The following GDA variants were observed in gnomAD, a reference collection of about 807,000 sequenced individuals.
GDA encodes cytoplasmic PSD-95 interactor.
In GDA, 18 loss-of-function variants were observed where a neutral mutation model predicts 59.6. The observed-to-expected ratio is 0.30, with a 90% CI of 0.21 to 0.45. The LOEUF (loss-of-function observed/expected upper bound fraction) is 0.45. GDA is among the 20% of genes least tolerant of loss of function. The pLI, the probability that GDA is intolerant of heterozygous loss-of-function variation, is 1.00. For synonymous variants in GDA, 201 were observed against 201.1 expected (o/e 1.00, Z 0.00); for missense variants, 427 against 552.3 (o/e 0.77, Z 2.27).
intron 12 of GDA, 38 bp downstream of exon 12, chr9:72,245,316 A>T: frequency 6.6e-7 from 1 of 1,516,838 alleles, no homozygotes; most frequent in Non-Finnish European, 9.1e-7. Flanking sequence ...CATTTATTTC[A>T]TAAAGTCGTC....
In GDA at chr9:72,202,875, T is replaced by G. The variant is rs143550458; in HGVS notation, c.384+133T>G. 2.7e-4 allele frequency: 180 copies of G among 669,214 alleles called. 1 individual carries two copies. In the African/African-American group the frequency reaches 3.1e-3, roughly 12 times the overall value. 41.5% of individuals were successfully genotyped at this position (669,214 alleles called of 1,614,324 possible). ...GGCCATAGAGAATTTTTAAGTTTCT[T>G]TTTCACAGTCCAGTGAGTTTGTGAC... On this transcript the variant is annotated intron_variant, in intron 3 of 13. Coordinates refer to ENST00000358399, the MANE Select transcript of GDA (RefSeq NM_004293.5).
rs1840508045 is a variant in GDA at position 72,249,778 on chromosome 9, T to C, written c.*1436T>C. 1.2e-6 allele frequency: 1 copy of C among 865,412 alleles called. No homozygotes were observed. The highest frequency in any genetic ancestry group is 1.4e-6 in the Non-Finnish European group (1 of 720,672). 53.6% of individuals were successfully genotyped at this position (865,412 alleles called of 1,614,324 possible). Reference sequence around the variant, plus strand: ...ATTCCTAGAGCTTAGGGGTGACTCTTTAATATTACCTTATAGTAGAAACTT... The same window carrying C: ...ATTCCTAGAGCTTAGGGGTGACTCTCTAATATTACCTTATAGTAGAAACTT... On this transcript the variant is annotated 3_prime_UTR_variant, in exon 14 of 14. Coordinates refer to ENST00000358399, the MANE Select transcript of GDA (RefSeq NM_004293.5).
chr9:72,124,906 CCCTGGTGATCAGTCTTAT>C (rs1825792559), intron 1 of GDA, among the ~76,000 whole-genome samples: 2 of 152,100 alleles, frequency 1.3e-5, no homozygotes, highest in Admixed American at 1.3e-4. Flanking sequence ...TCGCGCCTGG[CCCTGGTGATCAGTCTTAT>C]TTGGAAACCA....
intron 1 of GDA, among the ~76,000 whole-genome samples, chr9:72,152,597 A>G (rs1460552983): frequency 6.6e-6 from 1 of 152,136 alleles, no homozygotes; most frequent in East Asian, 1.9e-4. Flanking sequence ...TCTTTTGAGA[A>G]GTGTCTGTTC....
chr9:72,220,531 T>G (rs886111485), intron 6 of GDA, among the ~76,000 whole-genome samples: 1 of 152,196 alleles, frequency 6.6e-6, no homozygotes, highest in African/African-American at 2.4e-5. Flanking sequence ...CAATTTTTAT[T>G]AGGACAATCT....
chr9:72,133,535 G>A (rs1041098349), intron 1 of GDA, among the ~76,000 whole-genome samples: 1 of 152,110 alleles, frequency 6.6e-6, no homozygotes, highest in Non-Finnish European at 1.5e-5. Context: ...GAGCTGGCAA[G>A]GCTCGATTTT....
chr9:72,228,555 T>C (rs1837896404), intron 9 of GDA: 1 of 153,080 alleles, frequency 6.5e-6, no homozygotes, highest in Non-Finnish European at 1.5e-5. Context: ...TAACTGGTTC[T>C]TAACCTTTTG....
chr9:72,156,520 GA>G (rs879347870), intron 1 of GDA, among the ~76,000 whole-genome samples: 1 of 152,200 alleles, frequency 6.6e-6, no homozygotes, highest in Non-Finnish European at 1.5e-5. Context: ...GCTTTCATCA[GA>G]AAGATGCTTT....
chr9:72,166,387 T>G (rs1829313745), intron 1 of GDA, among the ~76,000 whole-genome samples: 1 of 124,906 alleles, frequency 8.0e-6, no homozygotes, highest in Non-Finnish European at 1.5e-5. Context: ...AGCAGAATGA[T>G]AGATACCAGA....
intron 1 of GDA, among the ~76,000 whole-genome samples, chr9:72,172,089 G>C (rs984461987): frequency 6.6e-6 from 1 of 152,092 alleles, no homozygotes; most frequent in African/African-American, 2.4e-5. Context: ...GAAATTCAAA[G>C]TGTACAAAAG....
At chr9:72,202,778 G>A in intron 3 of GDA, 36 bp downstream of exon 3, 1 of 1,492,086 alleles carries the variant, frequency 6.7e-7, no homozygotes, top group Admixed American at 1.7e-5. Flanking sequence ...TATTCTGTTT[G>A]GTCATCTATA....
chr9:72,179,976 C>CG lies in GDA; in HGVS notation c.124-15516dup, dbSNP rs58824571. On this transcript the variant is annotated intron_variant, in intron 1 of 13. Transcript: ENST00000358399. ...ATAAGGTCACATTCTGAATTACTGG[C>CG]GGGGGGGGTTAGGACTGTAACATAT... Among the ~76,000 whole-genome samples the CG allele has an allele frequency of 2.7e-3, 359 of 135,058 alleles. 2 individuals carry two copies. The highest frequency in any genetic ancestry group is 6.2e-3 in the Admixed American group (79 of 12,708). The allele number at this position is 135,058 out of a possible 152,430, so 88.6% of individuals were successfully genotyped here.
chr9:72,141,397 T>C (rs1338225730), intron 1 of GDA, among the ~76,000 whole-genome samples: 1 of 152,186 alleles, frequency 6.6e-6, no homozygotes, highest in Non-Finnish European at 1.5e-5. Flanking sequence ...CACTCATTTA[T>C]AGTTTTTCAA....
At chr9:72,189,163 A>G (rs1265228729) in intron 1 of GDA, among the ~76,000 whole-genome samples, 2 of 122,704 alleles carry the variant, frequency 1.6e-5, no homozygotes, top group African/African-American at 6.9e-5. Context: ...AGGAGACTCT[A>G]GACTTTTTTT....
intron 5 of GDA, among the ~76,000 whole-genome samples, 173 bp from the exon 6 acceptor site, chr9:72,219,306 G>A (rs1336562774): frequency 6.6e-6 from 1 of 152,016 alleles, no homozygotes; most frequent in South Asian, 2.1e-4. Flanking sequence ...GGGAGGCTGA[G>A]GCAGGAGAAC....
At chr9:72,207,665 T>C (rs779775175) in intron 3 of GDA, among the ~76,000 whole-genome samples, 24 of 152,242 alleles carry the variant, frequency 1.6e-4, no homozygotes, top group African/African-American at 5.3e-4. Flanking sequence ...TTGTCTGTAA[T>C]TGACAGGTTC....
At chr9:72,169,954 C>G (rs117928940) in intron 1 of GDA, among the ~76,000 whole-genome samples, 315 of 152,302 alleles carry the variant, frequency 2.1e-3, no homozygotes, top group South Asian at 7.9e-3. Flanking sequence ...GATAATGGTC[C>G]TCTGTATCTA....
chr9:72,249,266 A>G lies in GDA; in HGVS notation c.*924A>G, dbSNP rs185878198. ...GCATCCAGGAGCCGCCAATACTAAC[A>G]GGACAGGTTCCATTGCCATGGCCTA... On this transcript the variant is annotated 3_prime_UTR_variant, in exon 14 of 14. Transcript: ENST00000358399. The G allele has an allele frequency of 2.2e-4, 213 of 985,384 alleles. 2 individuals are homozygous for G. The African/African-American group carries it at 3.4e-3, about 16-fold the overall frequency. The allele number at this position is 985,384 out of a possible 1,614,324, so 61.0% of individuals were successfully genotyped here. A position where few individuals can be genotyped will look rare whatever the true frequency, so the allele number is the denominator to read the frequency against.
chr9:72,206,321 A>C (rs1487036554), intron 3 of GDA, among the ~76,000 whole-genome samples: 2 of 151,724 alleles, frequency 1.3e-5, no homozygotes, highest in Non-Finnish European at 2.9e-5. Context: ...CTTCATCCCT[A>C]CCTTTTTTGC....
Sources: gnomAD v4.1 joint callset for allele counts (sites outside exome capture counted in the v4.1 genomes callset) on GRCh38, gnomAD v4.1.1 for gene constraint, MANE v1.5 for transcripts, NCBI Gene and HGNC (gene_info 2026-07-23, HGNC 2026-07-21) for gene names.